MGAT4C: variants seen among roughly 807,000 people sequenced by gnomAD.
MGAT4C encodes the protein MGAT4 family member C, also known as alpha-1,3-mannosyl-glycoprotein 4-beta-N-acetylglucosaminyltransferase C.
In MGAT4C, 19 loss-of-function variants were observed where a neutral mutation model predicts 40.1. The ratio of observed to expected loss-of-function variants is 0.47; its 90% CI spans 0.33 to 0.70. MGAT4C has a LOEUF of 0.70. MGAT4C is among the 30% of genes least tolerant of loss of function. MGAT4C has a pLI of 0.02. For synonymous variants in MGAT4C, 181 were observed against 187.1 expected (o/e 0.97, Z 0.27); for missense variants, 491 against 563.2 (o/e 0.87, Z 1.30).
intron 1 of MGAT4C, among the ~76,000 whole-genome samples, chr12:86,134,848 C>A (rs913052875): frequency 5.3e-5 from 8 of 152,002 alleles, no homozygotes; most frequent in African/African-American, 1.9e-4. Context: ...AAGAGAAAGT[C>A]GTTTGTCAAA....
intron 1 of MGAT4C, among the ~76,000 whole-genome samples, chr12:86,181,469 A>T (rs533902744): frequency 6.6e-6 from 1 of 152,336 alleles, no homozygotes; most frequent in East Asian, 1.9e-4. Flanking sequence ...TTAGCATATT[A>T]AACTATATAG....
chr12:86,549,786 C>T (rs1010950835), intron 2 of MGAT4C, among the ~76,000 whole-genome samples: 6 of 152,218 alleles, frequency 3.9e-5, no homozygotes, highest in Admixed American at 6.5e-5. Flanking sequence ...AAAGTGGAAA[C>T]GCACCTATGG....
chr12:86,507,135 CTT>C (rs1286991873), intron 2 of MGAT4C, among the ~76,000 whole-genome samples: 1 of 152,130 alleles, frequency 6.6e-6, no homozygotes, highest in Non-Finnish European at 1.5e-5. Context: ...TTTAACACAA[CTT>C]TTAGAAAATA....
At chr12:86,378,269 G>T (rs770442149) in intron 3 of MGAT4C, among the ~76,000 whole-genome samples, 1 of 151,852 alleles carries the variant, frequency 6.6e-6, no homozygotes, top group Non-Finnish European at 1.5e-5. Flanking sequence ...AATTTTTTTT[G>T]AGGAACTACT....
At chr12:86,630,322 G>A (rs1962987707) in intron 2 of MGAT4C, among the ~76,000 whole-genome samples, 1 of 152,084 alleles carries the variant, frequency 6.6e-6, no homozygotes, top group African/African-American at 2.4e-5. Context: ...TCTACCAGAG[G>A]TAAAAAGAGG....
chr12:86,211,285 A>G (rs1950448944), intron 1 of MGAT4C, among the ~76,000 whole-genome samples: 2 of 149,720 alleles, frequency 1.3e-5, no homozygotes, highest in African/African-American at 4.9e-5. Context: ...GCTTACAGCC[A>G]GGCGAGGTGG....
At chr12:86,507,101 G>GA (rs1958484668) in intron 2 of MGAT4C, among the ~76,000 whole-genome samples, 1 of 152,000 alleles carries the variant, frequency 6.6e-6, no homozygotes, top group Non-Finnish European at 1.5e-5. Flanking sequence ...AGTTATTATG[G>GA]CAAACAACAT....
chr12:86,124,115 A>G (rs2135691248), intron 1 of MGAT4C, among the ~76,000 whole-genome samples: 3 of 152,258 alleles, frequency 2.0e-5, no homozygotes, highest in Non-Finnish European at 2.9e-5. Context: ...GATAACACGG[A>G]CTGTATACAC....
At chr12:86,002,146 C>T (rs1887381071) in intron 2 of MGAT4C, 2 of 152,088 alleles carry the variant, frequency 1.3e-5, no homozygotes, top group South Asian at 4.1e-4. Flanking sequence ...CTTCAGTCAC[C>T]TGAACTTTAG....
intron 1 of MGAT4C, among the ~76,000 whole-genome samples, chr12:86,239,738 TTACTC>T (rs949507371): frequency 9.2e-5 from 14 of 151,880 alleles, no homozygotes; most frequent in African/African-American, 2.9e-4. Flanking sequence ...TTCTTTTACT[TTACTC>T]TAATAATGGC....
At chr12:86,045,637 A>G (rs540178755) in intron 2 of MGAT4C, among the ~76,000 whole-genome samples, 1 of 152,308 alleles carries the variant, frequency 6.6e-6, no homozygotes, top group South Asian at 2.1e-4. Context: ...ATTTTTACTT[A>G]TCTGATCTCC....
At chr12:86,838,397 A>G (rs1374817374) in intron 1 of MGAT4C, among the ~76,000 whole-genome samples, 1 of 152,196 alleles carries the variant, frequency 6.6e-6, no homozygotes, top group Non-Finnish European at 1.5e-5. Flanking sequence ...CAAGAGAATT[A>G]ATATGAACTT....
intron 4 of MGAT4C, among the ~76,000 whole-genome samples, chr12:86,318,514 A>G (rs574558239): frequency 2.3e-4 from 35 of 152,270 alleles, no homozygotes; most frequent in Non-Finnish European, 4.9e-4. Context: ...ACTGAGCCCA[A>G]TTCTAGACCA....
intron 2 of MGAT4C, among the ~76,000 whole-genome samples, chr12:86,024,966 A>T (rs1890118909): frequency 6.6e-6 from 1 of 151,726 alleles, no homozygotes; most frequent in South Asian, 2.1e-4. Context: ...TATATTAACA[A>T]CTATATGACA....
At chr12:86,830,070 A>G (rs1161268258) in intron 1 of MGAT4C, among the ~76,000 whole-genome samples, 1 of 151,572 alleles carries the variant, frequency 6.6e-6, no homozygotes, top group African/African-American at 2.4e-5. Context: ...CAATGCAAGT[A>G]TATACACATA....
At chr12:86,583,244 G>T (rs918128964) in intron 2 of MGAT4C, among the ~76,000 whole-genome samples, 4 of 151,192 alleles carry the variant, frequency 2.6e-5, no homozygotes, top group Admixed American at 6.6e-5. Flanking sequence ...GACCCCTAGG[G>T]ATTTCAAATC....
At chr12:86,240,794 G>C (rs1019434415) in intron 1 of MGAT4C, among the ~76,000 whole-genome samples, 1 of 151,860 alleles carries the variant, frequency 6.6e-6, no homozygotes, top group Non-Finnish European at 1.5e-5. Context: ...ATTTAATATT[G>C]ATATGATAAT....
intron 2 of MGAT4C, among the ~76,000 whole-genome samples, chr12:86,670,128 A>G (rs1406900094): frequency 6.6e-6 from 1 of 152,188 alleles, no homozygotes; most frequent in African/African-American, 2.4e-5. Context: ...ATGAACCAAC[A>G]CAAGAATTGT....
At chr12:86,438,407 A>G (rs958715907) in intron 2 of MGAT4C, among the ~76,000 whole-genome samples, 1 of 151,946 alleles carries the variant, frequency 6.6e-6, no homozygotes, top group Non-Finnish European at 1.5e-5. Context: ...TTAAAAGTGC[A>G]AAGTGAAACA....
Sources: allele counts gnomAD v4.1 joint callset (sites outside exome capture counted in the v4.1 genomes callset), GRCh38; gene constraint gnomAD v4.1.1; transcripts MANE v1.5; gene names NCBI Gene and HGNC (gene_info 2026-07-23, HGNC 2026-07-21).